Variants in RHOQ observed in about 807,000 individuals in gnomAD.
RHOQ encodes ras homolog family member Q, also known as rho-related GTP-binding protein RhoQ.
Under a neutral mutation model 25.8 loss-of-function variants are expected in RHOQ, and 7 were observed. That is an observed-to-expected ratio of 0.27 (90% CI 0.15 to 0.51). The LOEUF is 0.51. Among genes scored for constraint, RHOQ ranks in the 20% least tolerant of loss-of-function variants. RHOQ has a pLI of 0.97. For missense variants in RHOQ, 165 were observed against 260.6 expected (o/e 0.63, Z 2.53); for synonymous variants, 97 against 98.6 (o/e 0.98, Z 0.10).
rs1277314478 is a variant in RHOQ, at chr2:46,552,880, C to T, written c.201+9068C>T. On this transcript the variant is annotated intron_variant, in intron 2 of 4. Transcript: ENST00000238738. This position sits in a 1 kb window ranked among gnomAD's most constrained non-coding sequence, Gnocchi z 5.0. ...CACAGAGGAGGAAGGCTTATCCTTC[C>T]AAGGAGGTGAAATGCTAGTAAGAGT... is the stretch of plus-strand genomic sequence containing the variant. 6.6e-6 allele frequency among the ~76,000 whole-genome samples: 1 copy of T among 152,204 alleles called. No homozygotes were observed. The highest frequency in any genetic ancestry group is 1.5e-5 in the Non-Finnish European group (1 of 68,050).
chr2:46,557,411 G>C (rs982309603), intron 2 of RHOQ, among the ~76,000 whole-genome samples: 2 of 152,152 alleles, frequency 1.3e-5, no homozygotes, highest in Non-Finnish European at 2.9e-5. Flanking sequence ...AAAGAAATGT[G>C]AAAAGGCTAA....
rs571281202 is a variant in RHOQ at position 46,581,774 on chromosome 2, C to T, written c.*691C>T. 2.9e-5 allele frequency: 23 copies of T among 790,648 alleles called. No homozygotes were observed. In the African/African-American group the frequency reaches 3.7e-4, roughly 13 times the overall value. The allele number at this position is 790,648 out of a possible 1,614,324, so 49.0% of individuals were successfully genotyped here. A position where few individuals can be genotyped will look rare whatever the true frequency, so the allele number is the denominator to read the frequency against. ...AAATGTACACATTTTAGTTAATGTG[C>T]ATTAAACTGTAACAAGGCTTCTGGC... On this transcript the variant is annotated 3_prime_UTR_variant, in exon 5 of 5. Transcript: ENST00000238738.
chr2:46,569,949 G>A lies in RHOQ; in HGVS notation c.202-6138G>A, dbSNP rs1336809945. Among the ~76,000 whole-genome samples, 1 of 152,184 alleles carries A rather than the reference G, an allele frequency of 6.6e-6. No homozygotes were observed. The highest frequency in any genetic ancestry group is 1.5e-5 in the Non-Finnish European group (1 of 68,022). On this transcript the variant is annotated intron_variant, in intron 2 of 4. Transcript: ENST00000238738. This position sits in a 1 kb window ranked among gnomAD's most constrained non-coding sequence, Gnocchi z 4.1. ...TTTAGTCCAAGAGTGCTGGGAGGTAGTAGGAAGTGGTAGGCAAATTCAGTA... is the reference window on the plus strand; with the variant it reads ...TTTAGTCCAAGAGTGCTGGGAGGTAATAGGAAGTGGTAGGCAAATTCAGTA...
chr2:46,547,608 C>T (rs1289534731), intron 2 of RHOQ, among the ~76,000 whole-genome samples: 1 of 152,216 alleles, frequency 6.6e-6, no homozygotes, highest in Non-Finnish European at 1.5e-5. Context: ...GACTGCCAAG[C>T]ATTTTGGAGT....
Position 46,576,622 on chromosome 2 carries a change from T to C in RHOQ, c.428T>C (p.Ile143Thr), listed in dbSNP as rs1669138370. The C allele has an allele frequency of 6.2e-7, 1 of 1,609,674 alleles. No homozygotes were observed. Among genetic ancestry groups the C allele is most frequent in the Non-Finnish European group, 8.5e-7 (1 of 1,177,586 alleles). ...CTGAATGATATGAAAGAAAAACCTA[T>C]ATGTGTGGAACAAGGACAGAAACTA... ...ARLNDMKEKPICVEQGQKLAK... is the reference protein window; with the variant it reads ...ARLNDMKEKPTCVEQGQKLAK... Residue 143 changes from isoleucine (I) to threonine (T), a missense_variant, in exon 4 of 5, where the codon ATA becomes ACA. By Grantham distance (89) the Ile-to-Thr change is moderately conservative. Coordinates refer to ENST00000238738, the MANE Select transcript of RHOQ (RefSeq NM_012249.4). This position sits in a 1 kb window ranked among gnomAD's most constrained non-coding sequence, Gnocchi z 5.1.
chr2:46,547,020 G>C (rs1056432288), intron 2 of RHOQ, among the ~76,000 whole-genome samples: 10 of 152,154 alleles, frequency 6.6e-5, no homozygotes, highest in Admixed American at 2.6e-4. Context: ...ATGGTTTTCT[G>C]TCTTAAGCAG....
Position 46,555,551 on chromosome 2 carries a change from C to G in RHOQ, c.201+11739C>G, listed in dbSNP as rs898142007. Among the ~76,000 whole-genome samples, 9 of 152,180 alleles carry G rather than the reference C, an allele frequency of 5.9e-5. No homozygotes were observed. The highest frequency in any genetic ancestry group is 2.2e-4 in the African/African-American group (9 of 41,432). Reference sequence around the variant, plus strand: ...GACCTGTCTGGACATTATTGAGTGGCTTTAAAGCAGGTTATAGGTGGCGAT... The same window carrying G: ...GACCTGTCTGGACATTATTGAGTGGGTTTAAAGCAGGTTATAGGTGGCGAT... On this transcript the variant is annotated intron_variant, in intron 2 of 4. Coordinates refer to ENST00000238738, the MANE Select transcript of RHOQ (RefSeq NM_012249.4). This position sits in a 1 kb window ranked among gnomAD's most constrained non-coding sequence, Gnocchi z 4.3.
At position 46,571,793 on chromosome 2, in the gene RHOQ, G is replaced by A. The variant is rs60466780; in HGVS notation, c.202-4294G>A. Among the ~76,000 whole-genome samples, 169 of 152,242 alleles carry A rather than the reference G, an allele frequency of 1.1e-3. 3 individuals carry two copies. The East Asian group carries it at 0.015, about 13-fold the overall frequency. ...AACAAAGCATGGCACAAGGTAAATC[G>A]TCCAATGTGAGTGTTTTTATTTAAG... On this transcript the variant is annotated intron_variant, in intron 2 of 4. Coordinates refer to ENST00000238738, the MANE Select transcript of RHOQ (RefSeq NM_012249.4).
At chr2:46,543,454 C>T (rs1039362728) in intron 1 of RHOQ, 12 of 601,130 alleles carry the variant, frequency 2.0e-5, no homozygotes, top group Non-Finnish European at 3.0e-5. Context: ...TCCTCCTTGA[C>T]CTTCCCACAT....
In RHOQ at chr2:46,576,261, G is replaced by A. The variant is rs1290351992; in HGVS notation, c.366+10G>A. On this transcript the variant is annotated intron_variant, in intron 3 of 4. Coordinates refer to ENST00000238738, the MANE Select transcript of RHOQ (RefSeq NM_012249.4). The surrounding 1 kb of genome is among the most constrained non-coding windows in gnomAD (Gnocchi z 5.1). Reference sequence around the variant, plus strand: ...ATTAATAGGAACTCAGGTATGTCTGGTTTGATTTTCTGCATTTTAGAATAA... The same window carrying A: ...ATTAATAGGAACTCAGGTATGTCTGATTTGATTTTCTGCATTTTAGAATAA... 2 of 1,601,808 alleles carry A rather than the reference G, an allele frequency of 1.2e-6. No individual in the cohort carries two copies. The highest frequency in any genetic ancestry group is 2.2e-5 in the East Asian group (1 of 44,742).
chr2:46,565,460 C>G (rs747614516), intron 2 of RHOQ, among the ~76,000 whole-genome samples: 2 of 152,214 alleles, frequency 1.3e-5, no homozygotes, highest in Non-Finnish European at 2.9e-5. Flanking sequence ...TAAAGCATCA[C>G]TCAGTCTGAG....
intron 2 of RHOQ, among the ~76,000 whole-genome samples, chr2:46,551,438 T>G (rs1161135224): frequency 6.6e-6 from 1 of 152,180 alleles, no homozygotes; most frequent in Admixed American, 6.5e-5. Flanking sequence ...GAGCTCATAT[T>G]CTGAGTGGGA....
Position 46,567,072 on chromosome 2 carries a change from C to T in RHOQ, c.202-9015C>T, listed in dbSNP as rs562793389. Among the ~76,000 whole-genome samples, 17 of 152,240 alleles carry T rather than the reference C, an allele frequency of 1.1e-4. No homozygotes were observed. In the South Asian group the frequency reaches 3.3e-3, roughly 30 times the overall value. On this transcript the variant is annotated intron_variant, in intron 2 of 4. Coordinates refer to ENST00000238738, the MANE Select transcript of RHOQ (RefSeq NM_012249.4). ...CAAATGAAATCTATAGATAATATAA[C>T]CTCCCTATACATGTAATTTTAAATC...
chr2:46,562,080 G>A (rs565298706), intron 2 of RHOQ, among the ~76,000 whole-genome samples: 1 of 152,278 alleles, frequency 6.6e-6, no homozygotes, highest in Admixed American at 6.5e-5. Context: ...TGGAGCACAG[G>A]CTCTGACAAG....
chr2:46,578,862 AG>A (rs1669236083), intron 4 of RHOQ, among the ~76,000 whole-genome samples: 1 of 152,016 alleles, frequency 6.6e-6, no homozygotes, highest in African/African-American at 2.4e-5. Context: ...TTAAGGTGAT[AG>A]ATGTTAATTA....
At position 46,582,567 on chromosome 2, in the gene RHOQ, A is replaced by T. The variant is rs1403258310; in HGVS notation, c.*1484A>T. The T allele has an allele frequency of 2.6e-5, 4 of 152,378 alleles. No individual in the cohort carries two copies. Among genetic ancestry groups the T allele is most frequent in the African/African-American group, 9.7e-5 (4 of 41,444 alleles). 9.4% of individuals were successfully genotyped at this position (152,378 alleles called of 1,614,324 possible). On this transcript the variant is annotated 3_prime_UTR_variant, in exon 5 of 5. Coordinates refer to ENST00000238738, the MANE Select transcript of RHOQ (RefSeq NM_012249.4). ...CAACCTAATGCATTTTAGAGAAACAATCTCATCACATTTTTTCTAGCCTTT... is the reference window on the plus strand; with the variant it reads ...CAACCTAATGCATTTTAGAGAAACATTCTCATCACATTTTTTCTAGCCTTT...
At chr2:46,546,456 ATATATATATATATATATGTG>A (rs1163449961) in intron 2 of RHOQ, among the ~76,000 whole-genome samples, 1 of 4,902 alleles carries the variant, frequency 2.0e-4, no homozygotes, top group Admixed American at 2.2e-3. Context: ...ATATACATAT[ATATATATATATATATATGTG>A]TATATATATA....
intron 2 of RHOQ, among the ~76,000 whole-genome samples, chr2:46,553,338 TA>T (rs901615179): frequency 6.6e-6 from 1 of 152,064 alleles, no homozygotes; most frequent in Non-Finnish European, 1.5e-5. Flanking sequence ...TTTCAATTTT[TA>T]AAAAAATGTT....
At chr2:46,549,253 G>A (rs1361003626) in intron 2 of RHOQ, among the ~76,000 whole-genome samples, 3 of 152,202 alleles carry the variant, frequency 2.0e-5, no homozygotes, top group African/African-American at 7.2e-5. Context: ...GGGAGTGACA[G>A]CCTAAGGGGG....
Sources: gnomAD v4.1 joint callset for allele counts (sites outside exome capture counted in the v4.1 genomes callset) on GRCh38, gnomAD v4.1.1 for gene constraint, Gnocchi (gnomAD v3.1) non-coding constraint, MANE v1.5 for transcripts, NCBI Gene and HGNC (gene_info 2026-07-23, HGNC 2026-07-21) for gene names.